The following PCDHA8 variants were observed in gnomAD, a reference collection of about 807,000 sequenced individuals.
PCDHA8 encodes the protein protocadherin alpha-8.
PCDHA8 carries 53 observed loss-of-function variants against 61.8 expected under a neutral mutation model. The observed-to-expected ratio is 0.86, with a 90% confidence interval of 0.69 to 1.08. PCDHA8 has a LOEUF of 1.08. PCDHA8 is among the 50% of genes least tolerant of loss of function. The pLI is 0.00. For synonymous variants in PCDHA8, 618 were observed against 556.6 expected (o/e 1.11, Z -1.55); for missense variants, 1,293 against 1,245.0 (o/e 1.04, Z -0.58).
intron 1 of PCDHA8, chr5:140,969,506 G>A (rs1262259666): frequency 2.9e-5 from 41 of 1,426,940 alleles, no homozygotes; most frequent in Non-Finnish European, 3.6e-5. Context: ...TAGAAAAATA[G>A]CACTAAAGAA....
At chr5:140,886,403 AT>A (rs1196342524) in intron 1 of PCDHA8, among the ~76,000 whole-genome samples, 19 of 152,184 alleles carry the variant, frequency 1.2e-4, no homozygotes, top group African/African-American at 4.6e-4. Context: ...CATCACAAAT[AT>A]GTTTTCCTCC....
At chr5:140,848,407 A>G in intron 1 of PCDHA8, 1 of 1,347,562 alleles carries the variant, frequency 7.4e-7, no homozygotes, top group Non-Finnish European at 1.0e-6. Flanking sequence ...AACGATGGCG[A>G]ACACAGCAGA....
chr5:140,887,707 C>A (rs1554183190), intron 1 of PCDHA8, among the ~76,000 whole-genome samples: 1 of 152,132 alleles, frequency 6.6e-6, no homozygotes, highest in African/African-American at 2.4e-5. Context: ...AACCATACTT[C>A]TTCTAATAGT....
chr5:140,876,728 C>T (rs200398819), intron 1 of PCDHA8: 11 of 1,614,128 alleles, frequency 6.8e-6, no homozygotes, highest in African/African-American at 1.3e-5. Context: ...GAGAGCGTGT[C>T]GGCCTATGAG....
Position 140,842,526 on chromosome 5 carries a change from A to G in PCDHA8, c.1205A>G (p.Lys402Arg), listed in dbSNP as rs2150338157. The G allele has an allele frequency of 6.8e-6, 11 of 1,613,304 alleles. No homozygotes were observed. The highest frequency in any genetic ancestry group is 1.3e-5 in the African/African-American group (1 of 74,934). The change falls in exon 1 of 4, where the codon AAG becomes AGG. Residue 402 changes from lysine to arginine, a missense_variant. Transcript: ENST00000531613. ...HVPFKLVSTF[K>R]NYYSLVLDSA... ...CCCTTCAAGCTGGTGTCCACCTTCA[A>G]GAATTACTACTCGTTGGTGCTGGAC...
intron 1 of PCDHA8, among the ~76,000 whole-genome samples, chr5:140,872,990 A>C (rs987650775): frequency 6.6e-6 from 1 of 152,184 alleles, no homozygotes; most frequent in African/African-American, 2.4e-5. Context: ...AAGATCATTT[A>C]CTTCTGAGTC....
At chr5:140,971,884 C>A (rs1216931622) in intron 1 of PCDHA8, among the ~76,000 whole-genome samples, 1 of 151,602 alleles carries the variant, frequency 6.6e-6, no homozygotes, top group Admixed American at 6.6e-5. Flanking sequence ...AGGAAATAAG[C>A]TCAGGGAGGT....
At chr5:140,850,471 T>C (rs2150485589) in intron 1 of PCDHA8, 1 of 1,597,870 alleles carries the variant, frequency 6.3e-7, no homozygotes, top group Non-Finnish European at 8.6e-7. Context: ...GAGCCAGCGC[T>C]GACGGCCACG....
chr5:140,876,729 G>C lies in PCDHA8; in HGVS notation c.2394+33014G>C, dbSNP rs781841207. The C allele has an allele frequency of 3.1e-6, 5 of 1,614,102 alleles. No homozygotes were observed. The East Asian group carries it at 6.7e-5, about 22-fold the overall frequency. On this transcript the variant is annotated intron_variant, in intron 1 of 3. Transcript: ENST00000531613. ...GCGCCCTGGACCGCGAGAGCGTGTC[G>C]GCCTATGAGCTGGTGGTGACTGCGC...
At chr5:140,857,724 A>C in intron 1 of PCDHA8, 1 of 1,597,434 alleles carries the variant, frequency 6.3e-7, no homozygotes. Flanking sequence ...GACGAGAACG[A>C]CAACGCTCCC....
At chr5:140,897,580 G>A (rs1420816335) in intron 1 of PCDHA8, among the ~76,000 whole-genome samples, 1 of 151,964 alleles carries the variant, frequency 6.6e-6, no homozygotes, top group African/African-American at 2.4e-5. Flanking sequence ...TCTTAATCCA[G>A]TCTGTCATTG....
chr5:140,965,493 C>A (rs1214376252), intron 1 of PCDHA8, among the ~76,000 whole-genome samples: 1 of 147,046 alleles, frequency 6.8e-6, no homozygotes, highest in African/African-American at 2.5e-5. Flanking sequence ...TTAATGACAG[C>A]AGATTTTTTT....
chr5:140,967,006 C>G, intron 1 of PCDHA8: 1 of 1,605,750 alleles, frequency 6.2e-7, no homozygotes, highest in Non-Finnish European at 8.5e-7. Flanking sequence ...TGCGCATCAA[C>G]CATCTGGGTG....
chr5:141,003,370 G>A (rs192935173), intron 3 of PCDHA8, among the ~76,000 whole-genome samples: 1 of 152,262 alleles, frequency 6.6e-6, no homozygotes, highest in East Asian at 1.9e-4. Context: ...GGAGTGCAGT[G>A]GTGCAATCTC....
At chr5:140,871,488 C>G (rs370808040) in intron 1 of PCDHA8, 14 of 1,591,168 alleles carry the variant, frequency 8.8e-6, no homozygotes, top group African/African-American at 1.3e-5. Context: ...CAAATCACCC[C>G]GGACAGGTGA....
chr5:140,960,467 C>A (rs1554224775), intron 1 of PCDHA8, among the ~76,000 whole-genome samples: 1 of 152,010 alleles, frequency 6.6e-6, no homozygotes, highest in Non-Finnish European at 1.5e-5. Context: ...GAGAAGTAAT[C>A]CTTCTTACAC....
rs1554139232 is a variant in PCDHA8 at position 140,842,637 on chromosome 5, C to T, written c.1316C>T (p.Ala439Val). The change falls in exon 1 of 4, where the codon GCC (alanine) becomes GTC (valine). Residue 439 changes from alanine to valine, a missense_variant. Physicochemically the swap from Ala to Val is moderately conservative, Grantham distance 64. Transcript: ENST00000531613. ...GGCTCGCCTTCGCTGTGGGCCACCG[C>T]CAGCTTGTCTGTGGAGGTGGCCGAC... ...DGGSPSLWAT[A>V]SLSVEVADVN... 4 of 1,592,344 alleles carry T rather than the reference C, an allele frequency of 2.5e-6. No individual in the cohort carries two copies. The Middle Eastern group carries it at 6.8e-4, about 271-fold the overall frequency.
Position 140,883,458 on chromosome 5 carries a change from T to G in PCDHA8, c.2394+39743T>G, listed in dbSNP as rs1315500498. ...TTGACGCCGCATGTCCCCTTCAAGC[T>G]GGTGTCCACCTACAAGAACTACTAC... On this transcript the variant is annotated intron_variant, in intron 1 of 3. Coordinates refer to ENST00000531613, the MANE Select transcript of PCDHA8 (RefSeq NM_018911.3). 13 of 1,614,058 alleles carry G rather than the reference T, an allele frequency of 8.1e-6. No individual in the cohort carries two copies. Among genetic ancestry groups the G allele is most frequent in the Non-Finnish European group, 1.1e-5 (13 of 1,180,042 alleles).
intron 1 of PCDHA8, chr5:140,927,988 G>A (rs782075633): frequency 6.2e-6 from 10 of 1,614,200 alleles, no homozygotes; most frequent in South Asian, 1.1e-5. Flanking sequence ...TAGTGTAAAG[G>A]ATGAAGACCT....
Sources: allele counts gnomAD v4.1 joint callset (sites outside exome capture counted in the v4.1 genomes callset), GRCh38; gene constraint gnomAD v4.1.1; transcripts MANE v1.5; gene names NCBI Gene and HGNC (gene_info 2026-07-23, HGNC 2026-07-21).